Variants in CADPS observed in about 807,000 individuals in gnomAD.
CADPS encodes calcium-dependent secretion activator 1.
A neutral mutation model predicts 167.3 loss-of-function variants in CADPS; 57 were observed. The ratio of observed to expected loss-of-function variants is 0.34; its 90% CI spans 0.28 to 0.42. CADPS has a LOEUF of 0.42. Ranked by LOEUF, CADPS falls within the 20% of genes least tolerant of loss-of-function variation. CADPS has a pLI of 1.00. For synonymous variants in CADPS, 676 were observed against 635.3 expected, an observed-to-expected ratio of 1.06 and a Z score of -0.96; for missense variants, 1,414 against 1,738.1, an observed-to-expected ratio of 0.81 and a Z score of 3.32.
intron 1 of CADPS, among the ~76,000 whole-genome samples, chr3:62,871,366 T>C (rs542342454): frequency 6.6e-6 from 1 of 152,250 alleles, no homozygotes; most frequent in Non-Finnish European, 1.5e-5. Flanking sequence ...TACTTAAGCA[T>C]CCACTTTGCC....
chr3:62,426,978 G>A (rs2052861310), intron 28 of CADPS, among the ~76,000 whole-genome samples: 1 of 151,758 alleles, frequency 6.6e-6, no homozygotes, highest in African/African-American at 2.4e-5. Flanking sequence ...GGGAGGCTGA[G>A]GCAGGAGAAT....
chr3:62,862,732 T>C (rs2081031835), intron 1 of CADPS, among the ~76,000 whole-genome samples: 1 of 152,196 alleles, frequency 6.6e-6, no homozygotes, highest in Non-Finnish European at 1.5e-5. Flanking sequence ...AATTCTGCAA[T>C]AAAATAAAGA....
At chr3:62,555,852 C>T (rs989289842) in intron 10 of CADPS, among the ~76,000 whole-genome samples, 4 of 152,108 alleles carry the variant, frequency 2.6e-5, no homozygotes, top group African/African-American at 9.7e-5. Context: ...GCAATCCTCC[C>T]ACCTTAGCCT....
intron 1 of CADPS, among the ~76,000 whole-genome samples, chr3:62,791,747 G>C (rs1008484852): frequency 1.3e-5 from 2 of 152,330 alleles, no homozygotes; most frequent in South Asian, 4.1e-4. Context: ...CAGCATGGCA[G>C]ATAATTACCT....
chr3:62,475,124 A>G (rs552722044), intron 23 of CADPS, among the ~76,000 whole-genome samples: 12 of 152,344 alleles, frequency 7.9e-5, no homozygotes, highest in African/African-American at 2.9e-4. Flanking sequence ...GTGGAATCTG[A>G]AAGTAACATA....
rs551257030 is a variant in CADPS at position 62,832,703 on chromosome 3, C to T, written c.441+41886G>A. Reference sequence around the variant, plus strand: ...ATCATCAGCTTCTGATGTGAAAACACAAAGCTTTGCTTAGTCCATATCTAT... The same window carrying T: ...ATCATCAGCTTCTGATGTGAAAACATAAAGCTTTGCTTAGTCCATATCTAT... On this transcript the variant is annotated intron_variant, in intron 1 of 29. Transcript: ENST00000383710. Among the ~76,000 whole-genome samples the T allele has an allele frequency of 3.9e-5, 6 of 152,314 alleles. No individual in the cohort carries two copies. The South Asian group carries it at 1.2e-3, about 32-fold the overall frequency.
intron 15 of CADPS, among the ~76,000 whole-genome samples, 187 bp downstream of exon 15, chr3:62,516,393 C>T (rs2069010444): frequency 6.6e-6 from 1 of 152,142 alleles, no homozygotes; most frequent in Admixed American, 6.5e-5. Flanking sequence ...TCTGTATATC[C>T]TATTTGGGAG....
intron 28 of CADPS, among the ~76,000 whole-genome samples, chr3:62,423,129 G>A (rs531586266): frequency 7.9e-5 from 12 of 152,208 alleles, no homozygotes; most frequent in South Asian, 4.1e-4. Context: ...CTACTGCGCT[G>A]TAGTCTCTTT....
intron 3 of CADPS, among the ~76,000 whole-genome samples, chr3:62,687,075 T>C (rs2151177936): frequency 6.6e-6 from 1 of 152,262 alleles, no homozygotes; most frequent in Middle Eastern, 3.4e-3. Flanking sequence ...AAGCATGGGT[T>C]TCTTCCTTTA....
chr3:62,596,183 A>G (rs1250274486), intron 6 of CADPS, among the ~76,000 whole-genome samples: 1 of 140,250 alleles, frequency 7.1e-6, no homozygotes, highest in African/African-American at 2.7e-5. Flanking sequence ...CCCTAATACA[A>G]TGGGGTACAG....
chr3:62,762,049 T>C (rs73102292), intron 2 of CADPS, among the ~76,000 whole-genome samples: 10,350 of 152,232 alleles, frequency 0.068, 400 homozygotes, highest in South Asian at 0.14. Flanking sequence ...CACCAACTTG[T>C]TGTTAATGGT....
intron 1 of CADPS, among the ~76,000 whole-genome samples, chr3:62,778,551 T>C (rs1355389211): frequency 6.6e-6 from 1 of 152,184 alleles, no homozygotes; most frequent in Non-Finnish European, 1.5e-5. Context: ...CATCCCTGAC[T>C]CTTGGTATTT....
At chr3:62,531,824 A>G (rs1252947859) in intron 13 of CADPS, among the ~76,000 whole-genome samples, 4 of 152,208 alleles carry the variant, frequency 2.6e-5, no homozygotes, top group Non-Finnish European at 5.9e-5. Flanking sequence ...AATTTATTCC[A>G]TGTCTCCAGA....
intron 3 of CADPS, among the ~76,000 whole-genome samples, chr3:62,693,006 G>T (rs2079481367): frequency 6.9e-6 from 1 of 144,574 alleles, no homozygotes; most frequent in Admixed American, 7.1e-5. Flanking sequence ...TTCACTGGTT[G>T]TTTTTTCTTC....
At chr3:62,770,258 A>T (rs2088248957) in intron 1 of CADPS, among the ~76,000 whole-genome samples, 1 of 152,172 alleles carries the variant, frequency 6.6e-6, no homozygotes, top group South Asian at 2.1e-4. Flanking sequence ...CATCTACAGT[A>T]AAGTTCTCCC....
intron 3 of CADPS, among the ~76,000 whole-genome samples, chr3:62,700,833 T>A (rs1373761592): frequency 3.1e-5 from 4 of 129,208 alleles, no homozygotes; most frequent in Non-Finnish European, 5.7e-5. Context: ...CAGTTTGGGC[T>A]GCTATCACAA....
At chr3:62,651,591 G>A (rs1298665320) in intron 4 of CADPS, among the ~76,000 whole-genome samples, 3 of 152,098 alleles carry the variant, frequency 2.0e-5, no homozygotes, top group African/African-American at 4.8e-5. Flanking sequence ...AATAGTTACT[G>A]TTTTCAAGAA....
intron 1 of CADPS, among the ~76,000 whole-genome samples, chr3:62,770,371 A>T (rs1245066883): frequency 6.6e-6 from 1 of 152,232 alleles, no homozygotes; most frequent in Non-Finnish European, 1.5e-5. Context: ...TAATTATAAC[A>T]TGTACCCAGA....
Position 62,867,665 on chromosome 3 carries a change from A to C in CADPS, c.441+6924T>G, listed in dbSNP as rs1230784491. ...TTTCATGATGATAATAGCAATAATG[A>C]ATATAAGGCTTGTGATGGCTAGTAC... On this transcript the variant is annotated intron_variant, in intron 1 of 29. Transcript: ENST00000383710. 9.2e-5 allele frequency among the ~76,000 whole-genome samples: 14 copies of C among 152,194 alleles called. No individual in the cohort carries two copies. In the East Asian group the frequency reaches 2.7e-3, roughly 29 times the overall value.
Sources: gnomAD v4.1 joint callset for allele counts (sites outside exome capture counted in the v4.1 genomes callset) on GRCh38, gnomAD v4.1.1 for gene constraint, MANE v1.5 for transcripts, NCBI Gene and HGNC (gene_info 2026-07-23, HGNC 2026-07-21) for gene names.